CILK1: variants seen among roughly 807,000 people sequenced by gnomAD.
CILK1 encodes the protein ciliogenesis associated kinase 1.
In CILK1, 47 loss-of-function variants were observed where a neutral mutation model predicts 79.2. The observed-to-expected ratio is 0.59, with a 90% CI of 0.47 to 0.76. CILK1 has a LOEUF of 0.76. Among genes scored for constraint, CILK1 ranks in the 30% least tolerant of loss-of-function variants. The probability of loss-of-function intolerance (pLI) is 0.00; values close to 1 mark genes in which losing one functional copy is unlikely to be tolerated. For missense variants in CILK1, 660 were observed against 769.5 expected, an observed-to-expected ratio of 0.86 and a Z score of 1.68; for synonymous variants, 266 against 275.9, an observed-to-expected ratio of 0.96 and a Z score of 0.36.
chr6:53,040,482 T>A (rs1766627911), intron 2 of CILK1, among the ~76,000 whole-genome samples: 1 of 152,064 alleles, frequency 6.6e-6, no homozygotes, highest in South Asian at 2.1e-4. Context: ...AACCCATAGA[T>A]CAACTCACAA....
intron 5 of CILK1, among the ~76,000 whole-genome samples, chr6:53,020,969 C>A (rs1488273039): frequency 3.3e-5 from 5 of 152,180 alleles, no homozygotes; most frequent in Non-Finnish European, 5.9e-5. Flanking sequence ...AGGTACCTTG[C>A]AGTTATGTTG....
chr6:53,041,801 T>C (rs938834858), intron 1 of CILK1, among the ~76,000 whole-genome samples: 1 of 152,166 alleles, frequency 6.6e-6, no homozygotes, highest in Non-Finnish European at 1.5e-5. Flanking sequence ...TGCCCTGCAA[T>C]TGGTGCCTGT....
chr6:53,019,427 T>C lies in CILK1; in HGVS notation c.359-68A>G, dbSNP rs1765085994. 4 of 1,543,608 alleles carry C rather than the reference T, an allele frequency of 2.6e-6. No individual in the cohort carries two copies. In the South Asian group the frequency reaches 3.4e-5, roughly 13 times the overall value. On this transcript the variant is annotated intron_variant, in intron 5 of 13. Coordinates refer to ENST00000676107, the MANE Select transcript of CILK1 (RefSeq NM_014920.5). ...CTTCGTATTATTCTTTGCAATTGTA[T>C]TGCTCTCTGCAAAATAGTTATAATT...
Position 53,018,464 on chromosome 6 carries a change from A to G in CILK1, c.529T>C (p.Tyr177His), listed in dbSNP as rs1765023621. ...APEVLLRSTNYSSPIDVWAVG... is the reference protein window; with the variant it reads ...APEVLLRSTNHSSPIDVWAVG... ...GCCCAGACGTCAATGGGGGAGCTGT[A>G]GTTGGTAGACCTCAGGAGTACTTCT... The change falls in exon 7 of 14, where the codon TAC becomes CAC. Residue 177 changes from tyrosine to histidine, a missense_variant. By Grantham distance (83) the Tyr-to-His change is moderately conservative. Coordinates refer to ENST00000676107, the MANE Select transcript of CILK1 (RefSeq NM_014920.5). 6.2e-7 allele frequency: 1 copy of G among 1,614,098 alleles called. No homozygotes were observed. The highest frequency in any genetic ancestry group is 8.5e-7 in the Non-Finnish European group (1 of 1,180,030).
At chr6:53,035,074 C>T (rs1003638816) in intron 3 of CILK1, among the ~76,000 whole-genome samples, 62 of 152,122 alleles carry the variant, frequency 4.1e-4, no homozygotes, top group African/African-American at 4.8e-4. Context: ...TTGGATGCCA[C>T]GTATATACCT....
chr6:53,024,090 T>C (rs763395595), intron 5 of CILK1, among the ~76,000 whole-genome samples: 1 of 152,244 alleles, frequency 6.6e-6, no homozygotes, highest in Non-Finnish European at 1.5e-5. Flanking sequence ...AAGTTTGCTA[T>C]TTTATAGCAC....
Position 53,013,788 on chromosome 6 carries a change from C to T in CILK1, c.1026G>A (p.Gln342=), listed in dbSNP as rs751645689. Residue 342 remains glutamine, a synonymous_variant, in exon 9 of 14, where the codon CAG becomes CAA. Transcript: ENST00000676107. The part of the protein sequence containing the change: ...RISSRQHQAS[Q]PPLHLTYPYK... ...AGGGGTACGTGAGATGCAGAGGGGG[C>T]TGGCTGGCTTGATGCTGTCGTGAAG... The T allele has an allele frequency of 2.2e-5, 35 of 1,613,912 alleles. No homozygotes were observed. The highest frequency in any genetic ancestry group is 2.9e-5 in the Non-Finnish European group (34 of 1,180,010).
At chr6:53,020,008 A>G (rs1165664515) in intron 5 of CILK1, among the ~76,000 whole-genome samples, 3 of 152,094 alleles carry the variant, frequency 2.0e-5, no homozygotes, top group Non-Finnish European at 4.4e-5. Context: ...AGTTTATACC[A>G]CAGCAGAAAC....
intron 1 of CILK1, among the ~76,000 whole-genome samples, chr6:53,052,867 G>A (rs1172529186): frequency 6.6e-6 from 1 of 151,720 alleles, no homozygotes; most frequent in South Asian, 2.1e-4. Context: ...AGAAATGTCC[G>A]TACCTCTTCA....
chr6:53,041,461 A>G (rs1437270249), intron 1 of CILK1, 53 bp from the exon 2 acceptor site: 1 of 507,050 alleles, frequency 2.0e-6, no homozygotes, highest in Non-Finnish European at 3.6e-6. Context: ...TTTTGAGTAT[A>G]CGTGTTTTTG....
At chr6:53,025,484 A>G (rs941064161) in intron 5 of CILK1, among the ~76,000 whole-genome samples, 1 of 152,174 alleles carries the variant, frequency 6.6e-6, no homozygotes, top group Non-Finnish European at 1.5e-5. Flanking sequence ...CCATCAGCCA[A>G]GCTTTATCCT....
chr6:53,034,926 C>A (rs1766208189), intron 3 of CILK1, among the ~76,000 whole-genome samples: 4 of 152,076 alleles, frequency 2.6e-5, no homozygotes, highest in Admixed American at 1.3e-4. Flanking sequence ...AGGAGGGAAG[C>A]CCGCTGCAGG....
intron 7 of CILK1, among the ~76,000 whole-genome samples, chr6:53,017,321 C>A (rs372377069): frequency 6.6e-6 from 1 of 151,868 alleles, no homozygotes; most frequent in African/African-American, 2.4e-5. Flanking sequence ...CAACTATGTA[C>A]GCAAATAATA....
intron 6 of CILK1, 102 bp downstream of exon 6, chr6:53,019,125 C>G: frequency 2.7e-6 from 3 of 1,119,346 alleles, no homozygotes; most frequent in South Asian, 1.3e-5. Context: ...CACTGTTTCT[C>G]TTAGTGAAAA....
At chr6:53,011,462 G>C (rs1764565408) in intron 11 of CILK1, among the ~76,000 whole-genome samples, 1 of 152,152 alleles carries the variant, frequency 6.6e-6, no homozygotes, top group Admixed American at 6.5e-5. Context: ...AGCCAGGCAT[G>C]GTGGTGGGCA....
At chr6:53,037,785 T>C (rs901422140) in intron 3 of CILK1, among the ~76,000 whole-genome samples, 154 bp downstream of exon 3, 1 of 152,204 alleles carries the variant, frequency 6.6e-6, no homozygotes, top group Non-Finnish European at 1.5e-5. Flanking sequence ...AATTATACCA[T>C]AATCTTCTGC....
chr6:53,023,584 A>G (rs1302047510), intron 5 of CILK1, among the ~76,000 whole-genome samples: 1 of 152,184 alleles, frequency 6.6e-6, no homozygotes, highest in East Asian at 1.9e-4. Context: ...TATTAGTTGA[A>G]TGAATGAATG....
chr6:53,025,485 G>A (rs1351697928), intron 5 of CILK1, among the ~76,000 whole-genome samples: 3 of 152,164 alleles, frequency 2.0e-5, no homozygotes, highest in Non-Finnish European at 2.9e-5. Flanking sequence ...CATCAGCCAA[G>A]CTTTATCCTC....
At chr6:53,037,884 T>A in intron 3 of CILK1, 55 bp downstream of exon 3, 1 of 1,038,420 alleles carries the variant, frequency 9.6e-7, no homozygotes, top group Non-Finnish European at 1.5e-6. Context: ...AATCTAAGCA[T>A]GTACAAAGCT....
Sources: allele counts gnomAD v4.1 joint callset (sites outside exome capture counted in the v4.1 genomes callset), GRCh38; gene constraint gnomAD v4.1.1; transcripts MANE v1.5; gene names NCBI Gene and HGNC (gene_info 2026-07-23, HGNC 2026-07-21).